The following UGT1A7 variants were observed in gnomAD, a reference collection of about 807,000 sequenced individuals.
UGT1A7 encodes the protein UDP-glucuronosyltransferase 1A7.
UGT1A7 carries 33 observed loss-of-function variants against 45.6 expected under a neutral mutation model. That is an observed-to-expected ratio of 0.72 (90% CI 0.55 to 0.97). The LOEUF is 0.97. UGT1A7 is among the 50% of genes least tolerant of loss of function. The pLI is 0.00. For missense variants in UGT1A7, 684 were observed against 666.2 expected, an observed-to-expected ratio of 1.03 and a Z score of -0.29; for synonymous variants, 274 against 250.6, an observed-to-expected ratio of 1.09 and a Z score of -0.88.
chr2:233,735,436 C>A (rs1234543811), intron 1 of UGT1A7, among the ~76,000 whole-genome samples: 1 of 152,154 alleles, frequency 6.6e-6, no homozygotes, highest in Admixed American at 6.5e-5. Context: ...CTGAATACAG[C>A]ATACCGATGG....
intron 1 of UGT1A7, among the ~76,000 whole-genome samples, chr2:233,710,298 G>T (rs546531335): frequency 5.9e-5 from 9 of 152,282 alleles, no homozygotes; most frequent in African/African-American, 2.2e-4. Context: ...GGATTGTTGG[G>T]TTGCATGGTA....
At chr2:233,770,116 A>G (rs557135570) in intron 4 of UGT1A7, 1 of 152,452 alleles carries the variant, frequency 6.6e-6, no homozygotes, top group Admixed American at 6.5e-5. Flanking sequence ...CCTAAGAACA[A>G]CTTGGTGAAA....
intron 1 of UGT1A7, among the ~76,000 whole-genome samples, chr2:233,726,356 A>T (rs1313638283): frequency 1.3e-5 from 2 of 152,182 alleles, no homozygotes; most frequent in Non-Finnish European, 2.9e-5. Context: ...TTATTTATTT[A>T]AAACACAACA....
Position 233,768,399 on chromosome 2 carries a change from G to T in UGT1A7, c.1255G>T (p.Asp419Tyr). ...TLNVLEMTSE[D>Y]LENALKAVIN... ...GAATGTTCTGGAAATGACTTCTGAA[G>T]ATTTAGAAAATGCTCTAAAAGCAGT... The change falls in exon 4 of 5, where the codon GAT becomes TAT. Residue 419 changes from aspartate (D) to tyrosine (Y), a missense_variant. Physicochemically the swap from Asp to Tyr is radical, Grantham distance 160 (BLOSUM62 -3). Transcript: ENST00000373426. The T allele has an allele frequency of 6.2e-7, 1 of 1,614,194 alleles. No individual in the cohort carries two copies. The highest frequency in any genetic ancestry group is 8.5e-7 in the Non-Finnish European group (1 of 1,180,044).
chr2:233,749,248 ATTT>A (rs1216234192), intron 1 of UGT1A7, among the ~76,000 whole-genome samples: 1 of 151,808 alleles, frequency 6.6e-6, no homozygotes, highest in Non-Finnish European at 1.5e-5. Context: ...AAACCACATG[ATTT>A]TTTTATTGGT....
chr2:233,742,265 C>A (rs1188794334), intron 1 of UGT1A7, among the ~76,000 whole-genome samples: 2 of 151,928 alleles, frequency 1.3e-5, no homozygotes, highest in Non-Finnish European at 2.9e-5. Context: ...TGACAGCAAG[C>A]CTGTGATAAG....
intron 1 of UGT1A7, among the ~76,000 whole-genome samples, chr2:233,752,746 AAAAC>A (rs200752387): frequency 3.8e-4 from 58 of 152,306 alleles, no homozygotes; most frequent in East Asian, 2.5e-3. Context: ...CCCTGTCTCT[AAAAC>A]AAACAAACAA....
intron 1 of UGT1A7, among the ~76,000 whole-genome samples, chr2:233,727,889 C>A (rs906385439): frequency 1.3e-5 from 2 of 152,172 alleles, no homozygotes; most frequent in African/African-American, 4.8e-5. Flanking sequence ...CAATGGCAGA[C>A]ACGGCCAGGC....
chr2:233,694,260 G>A (rs7592624), intron 1 of UGT1A7, among the ~76,000 whole-genome samples: 87,410 of 151,760 alleles, frequency 0.58, 25,440 homozygotes, highest in South Asian at 0.64. Flanking sequence ...AGGGACCAGC[G>A]AACTACAGCC....
At chr2:233,716,461 A>G (rs2076505023) in intron 1 of UGT1A7, among the ~76,000 whole-genome samples, 1 of 151,896 alleles carries the variant, frequency 6.6e-6, no homozygotes, top group Non-Finnish European at 1.5e-5. Context: ...TTTAAATTTA[A>G]TTTTTGTTTC....
chr2:233,759,176 C>T (rs982253420), intron 1 of UGT1A7, among the ~76,000 whole-genome samples: 3 of 152,132 alleles, frequency 2.0e-5, no homozygotes, highest in African/African-American at 4.8e-5. Flanking sequence ...GCAGGTTTCA[C>T]GGCAAAAAGT....
intron 1 of UGT1A7, among the ~76,000 whole-genome samples, chr2:233,686,535 C>T (rs1362487787): frequency 6.6e-6 from 1 of 152,068 alleles, no homozygotes; most frequent in Non-Finnish European, 1.5e-5. Context: ...AGAACCTAAC[C>T]TTTCCGTGGC....
chr2:233,757,561 T>TATATATATATATATATATATATATATAA (rs71058576), intron 1 of UGT1A7, among the ~76,000 whole-genome samples: 1 of 121,180 alleles, frequency 8.3e-6, no homozygotes, highest in Admixed American at 7.9e-5. Context: ...TATATATATA[T>TATATATATATATATATATATATATATAA]GTATATATGA....
At chr2:233,767,193 T>G (rs373415241) in intron 2 of UGT1A7, 28 bp downstream of exon 2, 1 of 1,613,806 alleles carries the variant, frequency 6.2e-7, no homozygotes. Context: ...CATGGCCTCA[T>G]ATCTATTTTC....
In UGT1A7 at chr2:233,682,556, G is replaced by C; in HGVS notation, c.619G>C (p.Val207Leu). Residue 207 changes from valine to leucine, a missense_variant, in exon 1 of 5, where the codon GTA becomes CTA. By Grantham distance (32) the Val-to-Leu change is conservative (BLOSUM62 1). Coordinates refer to ENST00000373426, the MANE Select transcript of UGT1A7 (RefSeq NM_019077.3). ...FSDAMTFKER[V>L]WNHIMHLEEH... ...AGACGCCATGACTTTCAAGGAGAGAGTATGGAACCACATCATGCACTTGGA... is the reference window on the plus strand; with the variant it reads ...AGACGCCATGACTTTCAAGGAGAGACTATGGAACCACATCATGCACTTGGA... 6.2e-7 allele frequency: 1 copy of C among 1,613,932 alleles called. No individual in the cohort carries two copies. The highest frequency in any genetic ancestry group is 1.3e-5 in the African/African-American group (1 of 75,038).
intron 1 of UGT1A7, chr2:233,743,626 G>C: frequency 7.3e-7 from 1 of 1,367,322 alleles, no homozygotes. Context: ...TGAAGACGTC[G>C]GCTGGGTCGC....
chr2:233,769,776 G>A lies in UGT1A7; in HGVS notation c.1295+1337G>A. ...AGGCTAAGGCGGGAGGATTGCTTGAGCCCAGAAGTTGGAGGCTGCTATGAG... is the reference window on the plus strand; with the variant it reads ...AGGCTAAGGCGGGAGGATTGCTTGAACCCAGAAGTTGGAGGCTGCTATGAG... On this transcript the variant is annotated intron_variant, in intron 4 of 4. Transcript: ENST00000373426. This position sits in a 1 kb window ranked among gnomAD's most constrained non-coding sequence, Gnocchi z 4.4. The A allele has an allele frequency of 7.3e-7, 1 of 1,373,770 alleles. No individual in the cohort carries two copies. The allele number at this position is 1,373,770 out of a possible 1,614,324, so 85.1% of individuals were successfully genotyped here. A position where few individuals can be genotyped will look rare whatever the true frequency, so the allele number is the denominator to read the frequency against.
chr2:233,689,956 A>G (rs1320198973), intron 1 of UGT1A7: 3 of 456,290 alleles, frequency 6.6e-6, no homozygotes, highest in African/African-American at 4.0e-5. Context: ...CTTTATTTCC[A>G]TGCTTGGAGG....
intron 1 of UGT1A7, chr2:233,750,722 T>C (rs1694546738): frequency 6.6e-6 from 1 of 151,960 alleles, no homozygotes; most frequent in South Asian, 2.1e-4. Context: ...AGGCCATTGC[T>C]TCAGAGGGTG....
Sources: gnomAD v4.1 joint callset for allele counts (sites outside exome capture counted in the v4.1 genomes callset) on GRCh38, gnomAD v4.1.1 for gene constraint, Gnocchi (gnomAD v3.1) non-coding constraint, MANE v1.5 for transcripts, NCBI Gene and HGNC (gene_info 2026-07-23, HGNC 2026-07-21) for gene names.